IQSEC3: variants seen among roughly 807,000 people sequenced by gnomAD.
IQSEC3 encodes IQ motif and Sec7 domain ArfGEF 3.
A neutral mutation model predicts 105.4 loss-of-function variants in IQSEC3; 50 were observed. The observed-to-expected ratio is 0.47, with a 90% CI of 0.38 to 0.60. The LOEUF (loss-of-function observed/expected upper bound fraction) is 0.60, where lower values mean the gene tolerates loss of function less well. Among genes scored for constraint, IQSEC3 ranks in the 20% least tolerant of loss-of-function variants. The probability of loss-of-function intolerance (pLI) is 0.00; values close to 1 mark genes in which losing one functional copy is unlikely to be tolerated. For missense variants in IQSEC3, 1,415 were observed against 1,630.0 expected, an observed-to-expected ratio of 0.87 and a Z score of 2.27; for synonymous variants, 708 against 746.0, an observed-to-expected ratio of 0.95 and a Z score of 0.83.
intron 3 of IQSEC3, among the ~76,000 whole-genome samples, chr12:126,990 G>C (rs1865436886): frequency 6.6e-6 from 1 of 152,186 alleles, no homozygotes; most frequent in Admixed American, 6.5e-5. Flanking sequence ...TACCCTATGT[G>C]CACATGCCAG....
At chr12:98,403 G>A (rs1248271436) in intron 1 of IQSEC3, among the ~76,000 whole-genome samples, 2 of 152,210 alleles carry the variant, frequency 1.3e-5, no homozygotes, top group Non-Finnish European at 2.9e-5. Flanking sequence ...GAAGGGAAGG[G>A]TCTAGGCATG....
intron 3 of IQSEC3, among the ~76,000 whole-genome samples, chr12:130,069 C>T (rs1227824371): frequency 6.6e-6 from 1 of 152,234 alleles, no homozygotes; most frequent in Non-Finnish European, 1.5e-5. Context: ...GGACAGGGCA[C>T]TCCATGGGTT....
intron 2 of IQSEC3, among the ~76,000 whole-genome samples, chr12:122,181 G>C (rs368961256): frequency 6.6e-6 from 1 of 152,216 alleles, no homozygotes; most frequent in African/African-American, 2.4e-5. Context: ...AGATGGGCAA[G>C]GTGGAGCTGG....
chr12:120,244 C>T (rs1273574924), intron 2 of IQSEC3, among the ~76,000 whole-genome samples: 3 of 152,134 alleles, frequency 2.0e-5, no homozygotes, highest in African/African-American at 7.2e-5. Flanking sequence ...TGAGCGATTC[C>T]TGAAAGAGGT....
At chr12:147,568 C>A (rs1477711263) in intron 5 of IQSEC3, among the ~76,000 whole-genome samples, 2 of 152,150 alleles carry the variant, frequency 1.3e-5, no homozygotes, top group Non-Finnish European at 2.9e-5. Context: ...CCCCTGTGGT[C>A]CGGTTGCTCT....
intron 8 of IQSEC3, 63 bp from the exon 9 acceptor site, chr12:163,431 C>T (rs1407916864): frequency 1.3e-6 from 2 of 1,511,404 alleles, no homozygotes; most frequent in Admixed American, 2.0e-5. Flanking sequence ...GGAAAATGGG[C>T]GCGTGGGTGG....
At position 175,105 on chromosome 12, in the gene IQSEC3, C is replaced by T; in HGVS notation, c.*72C>T. 8.4e-7 allele frequency: 1 copy of T among 1,190,860 alleles called. No homozygotes were observed. The highest frequency in any genetic ancestry group is 1.1e-6 in the Non-Finnish European group (1 of 874,374). 73.8% of individuals were successfully genotyped at this position (1,190,860 alleles called of 1,614,324 possible). On this transcript the variant is annotated 3_prime_UTR_variant, in exon 14 of 14. Coordinates refer to ENST00000538872, the MANE Select transcript of IQSEC3 (RefSeq NM_001170738.2). ...GGCCTGGGCTGCCCCTCCACTGCTC[C>T]CCATACCCTGGCACGATGCGTTCCT...
chr12:84,179 C>T (rs1412723621), intron 1 of IQSEC3, among the ~76,000 whole-genome samples: 3 of 152,352 alleles, frequency 2.0e-5, no homozygotes, highest in South Asian at 4.1e-4. Flanking sequence ...CTGGTGGCAT[C>T]GTGCCCATAT....
intron 2 of IQSEC3, among the ~76,000 whole-genome samples, chr12:125,157 C>A (rs886826293): frequency 6.6e-6 from 1 of 152,194 alleles, no homozygotes; most frequent in Non-Finnish European, 1.5e-5. Context: ...CCGATACTTA[C>A]AATAGGTAAC....
In IQSEC3 at chr12:107,558, C is replaced by T. The variant is rs1260949968; in HGVS notation, c.623+8344C>T. Among the ~76,000 whole-genome samples the T allele has an allele frequency of 1.3e-4, 20 of 151,768 alleles. No individual in the cohort carries two copies. The East Asian group carries it at 2.3e-3, about 18-fold the overall frequency. On this transcript the variant is annotated intron_variant, in intron 2 of 13. Coordinates refer to ENST00000538872, the MANE Select transcript of IQSEC3 (RefSeq NM_001170738.2). ...CCGAGTAGCTGGGACTACAGGTGCC[C>T]GCCACCGTGCCCGGCTAATTTTTTT...
Position 175,349 on chromosome 12 carries a change from A to G in IQSEC3, c.*316A>G, listed in dbSNP as rs1031603211. 1 of 338,132 alleles carries G rather than the reference A, an allele frequency of 3.0e-6. No individual in the cohort carries two copies. The allele number at this position is 338,132 out of a possible 1,614,324, so 20.9% of individuals were successfully genotyped here. ...ACCATGGACTGAAGAAAACGAGCTG[A>G]GGGTCTAACGAGCTTGCAGGCTTTG... is the stretch of plus-strand genomic sequence containing the variant. On this transcript the variant is annotated 3_prime_UTR_variant, in exon 14 of 14. Coordinates refer to ENST00000538872, the MANE Select transcript of IQSEC3 (RefSeq NM_001170738.2).
At chr12:99,030 C>T in intron 1 of IQSEC3, 116 bp from the exon 2 acceptor site, 1 of 867,392 alleles carries the variant, frequency 1.2e-6, no homozygotes, top group Non-Finnish European at 1.8e-6. Flanking sequence ...TACACAGGGG[C>T]TCAAAAGGGC....
At chr12:160,138 CTCTG>C (rs1163691477) in intron 7 of IQSEC3, among the ~76,000 whole-genome samples, 2 of 150,544 alleles carry the variant, frequency 1.3e-5, no homozygotes, top group Non-Finnish European at 3.0e-5. Flanking sequence ...TTGTTTTTCT[CTCTG>C]TTTGCCTCTA....
chr12:135,105 G>A (rs1342134814), intron 3 of IQSEC3, among the ~76,000 whole-genome samples: 2 of 152,208 alleles, frequency 1.3e-5, no homozygotes, highest in African/African-American at 2.4e-5. Context: ...ACTCCAGCCT[G>A]GGTGACAGAG....
At chr12:73,674 A>G (rs1221585177) in intron 1 of IQSEC3, among the ~76,000 whole-genome samples, 3 of 152,114 alleles carry the variant, frequency 2.0e-5, no homozygotes, top group African/African-American at 7.3e-5. Flanking sequence ...CATGACCCCA[A>G]AAAAAAAGAA....
intron 13 of IQSEC3, among the ~76,000 whole-genome samples, chr12:172,169 C>T (rs1243101706): frequency 6.6e-6 from 1 of 152,122 alleles, no homozygotes; most frequent in Non-Finnish European, 1.5e-5. Context: ...CTGACTAAGC[C>T]CTGGGAAGCA....
chr12:96,375 T>C (rs1171143197), intron 1 of IQSEC3, among the ~76,000 whole-genome samples: 1 of 152,212 alleles, frequency 6.6e-6, no homozygotes, highest in African/African-American at 2.4e-5. Context: ...TATAAGTTTT[T>C]CTTATCAGAC....
At chr12:158,520 C>T (rs1326701644) in intron 7 of IQSEC3, among the ~76,000 whole-genome samples, 1 of 152,214 alleles carries the variant, frequency 6.6e-6, no homozygotes, top group Non-Finnish European at 1.5e-5. Flanking sequence ...CCAGAATGTT[C>T]TCTCCTGTCC....
Position 138,965 on chromosome 12 carries a change from G to A in IQSEC3, c.1602G>A (p.Gly534=), listed in dbSNP as rs782325422. ...AGGCCGAGCAGGGCGAGACCTCTGG[G>A]CGGGAGGCCCCGGAAGCCCCCGCCG... ...AGKAEQGETS[G]REAPEAPAVG... The change falls in exon 4 of 14, where the codon GGG becomes GGA. Residue 534 remains glycine, a synonymous_variant. Coordinates refer to ENST00000538872, the MANE Select transcript of IQSEC3 (RefSeq NM_001170738.2). The surrounding 1 kb of genome is among the most constrained non-coding windows in gnomAD (Gnocchi z 7.1). 7.1e-6 allele frequency: 11 copies of A among 1,554,488 alleles called. No homozygotes were observed. In the South Asian group the frequency reaches 1.2e-4, roughly 16 times the overall value.
Sources: allele counts gnomAD v4.1 joint callset (sites outside exome capture counted in the v4.1 genomes callset), GRCh38; gene constraint gnomAD v4.1.1; non-coding constraint Gnocchi (gnomAD v3.1); transcripts MANE v1.5; gene names NCBI Gene and HGNC (gene_info 2026-07-23, HGNC 2026-07-21).